Variants in CARMIL1 observed in about 807,000 individuals in gnomAD.
CARMIL1 encodes the protein capping protein regulator and myosin 1 linker 1.
Under a neutral mutation model 177.1 loss-of-function variants are expected in CARMIL1, and 90 were observed. The ratio of observed to expected loss-of-function variants is 0.51; its 90% CI spans 0.43 to 0.61. The LOEUF is 0.61. Ranked by LOEUF, CARMIL1 falls within the 20% of genes least tolerant of loss-of-function variation. CARMIL1 has a pLI of 0.00. For missense variants in CARMIL1, 1,380 were observed against 1,667.0 expected (o/e 0.83, Z 3.00); for synonymous variants, 577 against 606.2 (o/e 0.95, Z 0.71).
At chr6:25,416,753 G>A (rs112833140) in intron 2 of CARMIL1, among the ~76,000 whole-genome samples, 1,927 of 152,310 alleles carry the variant, frequency 0.013, 25 homozygotes, top group African/African-American at 0.037. Flanking sequence ...CTGACTAGCT[G>A]TGAGATGATG....
chr6:25,369,888 G>A (rs1303035823), intron 2 of CARMIL1: 2 of 152,200 alleles, frequency 1.3e-5, no homozygotes, highest in African/African-American at 4.8e-5. Flanking sequence ...TTGAAGTGAG[G>A]AGAGAAGGTA....
intron 2 of CARMIL1, among the ~76,000 whole-genome samples, chr6:25,339,538 G>C (rs1306777683): frequency 6.6e-6 from 1 of 152,196 alleles, no homozygotes; most frequent in African/African-American, 2.4e-5. Flanking sequence ...TATTCAGGTA[G>C]TAGATATCTC....
intron 2 of CARMIL1, among the ~76,000 whole-genome samples, chr6:25,369,018 C>A (rs1168495978): frequency 1.3e-5 from 2 of 152,136 alleles, no homozygotes; most frequent in African/African-American, 4.8e-5. Context: ...AATTTAAAAC[C>A]CCTTACATGA....
intron 2 of CARMIL1, among the ~76,000 whole-genome samples, chr6:25,303,746 G>GAAC (rs1231491231): frequency 1.3e-5 from 2 of 152,204 alleles, no homozygotes; most frequent in Non-Finnish European, 2.9e-5. Flanking sequence ...AATAACGGGT[G>GAAC]AACAACACAT....
chr6:25,289,361 T>C (rs1235042408), intron 2 of CARMIL1, among the ~76,000 whole-genome samples: 2 of 152,268 alleles, frequency 1.3e-5, no homozygotes, highest in Non-Finnish European at 2.9e-5. Context: ...GTGTAAAAAA[T>C]GTATTTTAAC....
intron 2 of CARMIL1, among the ~76,000 whole-genome samples, chr6:25,338,504 T>C (rs1313967425): frequency 1.3e-5 from 2 of 152,246 alleles, no homozygotes; most frequent in East Asian, 3.9e-4. Context: ...TACCACAGAT[T>C]GTCCTAGTAG....
chr6:25,318,788 C>T (rs1057109747), intron 2 of CARMIL1, among the ~76,000 whole-genome samples: 3 of 152,138 alleles, frequency 2.0e-5, no homozygotes, highest in Non-Finnish European at 2.9e-5. Context: ...AGATGGCTGT[C>T]CTGGGGGGTC....
intron 24 of CARMIL1, among the ~76,000 whole-genome samples, chr6:25,529,786 G>A (rs764380111): frequency 0.022 from 1,980 of 90,768 alleles, 1 homozygote; most frequent in Non-Finnish European, 0.03. Context: ...AAAAAAAAAA[G>A]AATAGGCTGC....
chr6:25,584,033 T>C (rs952959048), intron 31 of CARMIL1, among the ~76,000 whole-genome samples: 1 of 146,292 alleles, frequency 6.8e-6, no homozygotes, highest in Non-Finnish European at 1.5e-5. Context: ...TTTCTTTTTT[T>C]TTTTTTTTTT....
intron 2 of CARMIL1, among the ~76,000 whole-genome samples, chr6:25,289,203 G>A (rs1464478694): frequency 1.3e-5 from 2 of 152,092 alleles, no homozygotes; most frequent in Non-Finnish European, 2.9e-5. Flanking sequence ...TCTGGGCTAC[G>A]TTGGCTTGAC....
intron 8 of CARMIL1, among the ~76,000 whole-genome samples, chr6:25,459,242 C>CTTTCTTTCTTTCTTTCTTTCT (rs1554200818): frequency 9.9e-6 from 1 of 100,780 alleles, no homozygotes; most frequent in Non-Finnish European, 2.0e-5. Flanking sequence ...TTCTTTCTTT[C>CTTTCTTTCTTTCTTTCTTTCT]TTTCTTTCTT....
chr6:25,295,292 G>T (rs965034620), intron 2 of CARMIL1, among the ~76,000 whole-genome samples: 1 of 151,920 alleles, frequency 6.6e-6, no homozygotes, highest in African/African-American at 2.4e-5. Context: ...AATTTTTGAG[G>T]TCAAAGCTTT....
At chr6:25,350,270 C>T (rs2150356591) in intron 2 of CARMIL1, among the ~76,000 whole-genome samples, 1 of 152,324 alleles carries the variant, frequency 6.6e-6, no homozygotes, top group South Asian at 2.1e-4. Context: ...CTAGAGTTTG[C>T]AGACTGGTGC....
chr6:25,450,766 TCC>T, intron 8 of CARMIL1, 55 bp downstream of exon 8: 2 of 385,584 alleles, frequency 5.2e-6, no homozygotes, highest in Admixed American at 3.5e-5. Context: ...CTCCCTCCCT[TCC>T]TCCCTCCCCT....
intron 9 of CARMIL1, among the ~76,000 whole-genome samples, chr6:25,468,073 C>T (rs1800777371): frequency 6.6e-6 from 1 of 152,040 alleles, no homozygotes; most frequent in Non-Finnish European, 1.5e-5. Context: ...TATGAGCTCT[C>T]TGGGTTAAGA....
intron 13 of CARMIL1, among the ~76,000 whole-genome samples, 183 bp downstream of exon 13, chr6:25,488,768 G>A (rs1582124241): frequency 6.6e-6 from 1 of 152,266 alleles, no homozygotes; most frequent in African/African-American, 2.4e-5. Flanking sequence ...TTAATTAAAT[G>A]TCATATATCA....
At chr6:25,447,963 A>G (rs1252891034) in intron 5 of CARMIL1, among the ~76,000 whole-genome samples, 2 of 152,124 alleles carry the variant, frequency 1.3e-5, no homozygotes, top group East Asian at 3.9e-4. Context: ...GAAATCCTGC[A>G]TCCTGCAGCA....
intron 4 of CARMIL1, among the ~76,000 whole-genome samples, chr6:25,428,055 G>T (rs1233261170): frequency 6.6e-6 from 1 of 152,044 alleles, no homozygotes; most frequent in African/African-American, 2.4e-5. Flanking sequence ...TTCTTTTATG[G>T]ATTGTGCTTT....
intron 2 of CARMIL1, among the ~76,000 whole-genome samples, chr6:25,318,497 G>T (rs1439410644): frequency 2.0e-5 from 3 of 152,110 alleles, no homozygotes; most frequent in Non-Finnish European, 2.9e-5. Flanking sequence ...GTTTTGATCT[G>T]AGCTCTTTGT....
Sources: allele counts gnomAD v4.1 joint callset (sites outside exome capture counted in the v4.1 genomes callset), GRCh38; gene constraint gnomAD v4.1.1; transcripts MANE v1.5; gene names NCBI Gene and HGNC (gene_info 2026-07-23, HGNC 2026-07-21).